IL1RAPL2: variants seen among roughly 807,000 people sequenced by gnomAD.
The protein encoded by IL1RAPL2 is X-linked interleukin-1 receptor accessory protein-like 2.
IL1RAPL2 carries 3 observed loss-of-function variants against 44.1 expected under a neutral mutation model. The observed-to-expected ratio is 0.07, with a 90% CI of 0.03 to 0.18. The LOEUF (loss-of-function observed/expected upper bound fraction) is 0.18, where lower values mean the gene tolerates loss of function less well. Ranked by LOEUF, IL1RAPL2 falls within the 10% of genes least tolerant of loss-of-function variation. The pLI is 1.00. For synonymous variants in IL1RAPL2, 181 were observed against 178.8 expected, an observed-to-expected ratio of 1.01 and a Z score of -0.10; for missense variants, 391 against 496.4, an observed-to-expected ratio of 0.79 and a Z score of 2.02.
chrX:104,907,631 C>T (rs1355380278), intron 2 of IL1RAPL2, among the ~76,000 whole-genome samples: 4 of 111,531 alleles, frequency 3.6e-5, no homozygotes, highest in African/African-American at 1.3e-4. Flanking sequence ...GATTCTTAAT[C>T]CTGAGTTCTA....
intron 1 of IL1RAPL2, among the ~76,000 whole-genome samples, chrX:104,646,357 T>C (rs1376283331): frequency 9.2e-6 from 1 of 109,175 alleles, no homozygotes; most frequent in Non-Finnish European, 1.9e-5. Flanking sequence ...GCATAGCCTC[T>C]GCCCTTGAAA....
chrX:105,408,287 A>G (rs1028048363), intron 5 of IL1RAPL2, among the ~76,000 whole-genome samples: 2 of 111,578 alleles, frequency 1.8e-5, no homozygotes, highest in Admixed American at 9.5e-5. Flanking sequence ...TTGAGTCATT[A>G]TCTCTCTGCA....
chrX:105,382,797 T>G (rs948141604), intron 5 of IL1RAPL2, among the ~76,000 whole-genome samples: 33 of 107,349 alleles, frequency 3.1e-4, no homozygotes, highest in East Asian at 2.6e-3. Context: ...CCATAAAAAA[T>G]GATGAGTTCA....
intron 6 of IL1RAPL2, among the ~76,000 whole-genome samples, chrX:105,552,794 T>C (rs1243296438): frequency 8.9e-6 from 1 of 112,223 alleles, no homozygotes; most frequent in Non-Finnish European, 1.9e-5. Context: ...GATACGTGTC[T>C]ATAATACTTA....
intron 5 of IL1RAPL2, among the ~76,000 whole-genome samples, chrX:105,340,060 A>T (rs1373632928): frequency 8.9e-6 from 1 of 111,794 alleles, no homozygotes; most frequent in East Asian, 2.8e-4. Flanking sequence ...GATGACTCTC[A>T]AATTAAAATA....
At chrX:104,998,370 A>C (rs1021114524) in intron 2 of IL1RAPL2, among the ~76,000 whole-genome samples, 9 of 111,232 alleles carry the variant, frequency 8.1e-5, no homozygotes, top group Admixed American at 5.7e-4. Flanking sequence ...GGAGACAGTG[A>C]ATGTGACAAC....
chrX:105,091,868 C>T (rs1166239588), intron 2 of IL1RAPL2, among the ~76,000 whole-genome samples: 1 of 111,374 alleles, frequency 9.0e-6, no homozygotes, highest in South Asian at 3.7e-4. Flanking sequence ...TAGTAAGTCA[C>T]GACTGCTCTA....
In IL1RAPL2 at chrX:105,736,174, C is replaced by T. The variant is rs755697263; in HGVS notation, c.903-4372C>T. ...GCTGGGATTATTGGGTAGCCATACA[C>T]GGAAGATTGAAACTGGACTCCTTAC... On this transcript the variant is annotated intron_variant, in intron 7 of 10. Coordinates refer to ENST00000372582, the MANE Select transcript of IL1RAPL2 (RefSeq NM_017416.2). Among the ~76,000 whole-genome samples, 10 of 111,100 alleles carry T rather than the reference C, an allele frequency of 9.0e-5. No individual in the cohort carries two copies. The South Asian group carries it at 3.0e-3, about 33-fold the overall frequency.
At chrX:104,606,186 A>G (rs1156791864) in intron 1 of IL1RAPL2, among the ~76,000 whole-genome samples, 3 of 112,107 alleles carry the variant, frequency 2.7e-5, no homozygotes, top group Non-Finnish European at 5.6e-5. Flanking sequence ...CAATAAACAT[A>G]ATCCATCACA....
At chrX:105,040,262 G>A (rs941458598) in intron 2 of IL1RAPL2, among the ~76,000 whole-genome samples, 2 of 111,529 alleles carry the variant, frequency 1.8e-5, no homozygotes, top group Non-Finnish European at 3.8e-5. Context: ...GCTTTTTGAT[G>A]TGCTGCTGGA....
At chrX:104,640,940 T>G (rs981979405) in intron 1 of IL1RAPL2, among the ~76,000 whole-genome samples, 1 of 112,326 alleles carries the variant, frequency 8.9e-6, no homozygotes, top group Admixed American at 9.4e-5. Flanking sequence ...TGCTGGCATC[T>G]GTGTTGACAA....
At chrX:105,199,342 A>G (rs1425422448) in intron 3 of IL1RAPL2, among the ~76,000 whole-genome samples, 1 of 100,103 alleles carries the variant, frequency 1.0e-5, no homozygotes, top group African/African-American at 3.7e-5. Flanking sequence ...ATTTCCTTAC[A>G]TTGTAGAAAG....
chrX:105,031,041 G>T (rs2031483200), intron 2 of IL1RAPL2, among the ~76,000 whole-genome samples: 1 of 109,926 alleles, frequency 9.1e-6, no homozygotes, highest in Non-Finnish European at 1.9e-5. Context: ...TTGGCTCTCT[G>T]TTTGTCTGTT....
At chrX:104,686,301 A>C (rs1337551357) in intron 2 of IL1RAPL2, among the ~76,000 whole-genome samples, 1 of 112,381 alleles carries the variant, frequency 8.9e-6, no homozygotes, top group Non-Finnish European at 1.9e-5. Context: ...TCATTTTATG[A>C]AAGGCTATTT....
chrX:105,230,410 A>G, intron 3 of IL1RAPL2, among the ~76,000 whole-genome samples: 1 of 109,136 alleles, frequency 9.2e-6, no homozygotes, highest in Non-Finnish European at 1.9e-5. Context: ...CATGATTATT[A>G]TATCACATGT....
chrX:104,693,170 A>G (rs1323147721), intron 2 of IL1RAPL2, among the ~76,000 whole-genome samples: 1 of 112,083 alleles, frequency 8.9e-6, no homozygotes, highest in African/African-American at 3.2e-5. Context: ...ATAAACATAC[A>G]GTGTTTTCAT....
At chrX:105,758,328 G>A (rs2038657179) in intron 10 of IL1RAPL2, among the ~76,000 whole-genome samples, 1 of 111,051 alleles carries the variant, frequency 9.0e-6, no homozygotes, top group Admixed American at 9.6e-5. Flanking sequence ...CAGTCTTTTT[G>A]TACTACTCTC....
intron 2 of IL1RAPL2, among the ~76,000 whole-genome samples, chrX:105,164,361 G>A (rs1337131791): frequency 8.9e-6 from 1 of 111,972 alleles, no homozygotes; most frequent in Non-Finnish European, 1.9e-5. Flanking sequence ...AAGACTGTCT[G>A]TATTTAAAAC....
chrX:105,479,380 T>C (rs771229712), intron 5 of IL1RAPL2, among the ~76,000 whole-genome samples: 103 of 111,566 alleles, frequency 9.2e-4, no homozygotes, highest in Non-Finnish European at 1.6e-3. Flanking sequence ...AGTTGGAAAT[T>C]AATGCGATGT....
Sources: gnomAD v4.1 joint callset for allele counts (sites outside exome capture counted in the v4.1 genomes callset) on GRCh38, gnomAD v4.1.1 for gene constraint, MANE v1.5 for transcripts, NCBI Gene and HGNC (gene_info 2026-07-23, HGNC 2026-07-21) for gene names.